The following TSPAN12 variants were observed in gnomAD, a reference collection of about 807,000 sequenced individuals.
TSPAN12 encodes the protein tetraspanin 12.
TSPAN12 carries 19 observed loss-of-function variants against 39.2 expected under a neutral mutation model. The ratio of observed to expected loss-of-function variants is 0.49; its 90% CI spans 0.34 to 0.71. TSPAN12 has a LOEUF of 0.71. TSPAN12 is among the 30% of genes least tolerant of loss of function. The pLI, the probability that TSPAN12 is intolerant of heterozygous loss-of-function variation, is 0.01. For missense variants in TSPAN12, 314 were observed against 359.9 expected, an observed-to-expected ratio of 0.87 and a Z score of 1.03; for synonymous variants, 119 against 124.8, an observed-to-expected ratio of 0.95 and a Z score of 0.31.
chr7:120,851,159 T>C (rs1419346316), intron 2 of TSPAN12, among the ~76,000 whole-genome samples: 1 of 152,220 alleles, frequency 6.6e-6, no homozygotes, highest in Non-Finnish European at 1.5e-5. Flanking sequence ...TTCATAAATG[T>C]CCTTCCTGTG....
intron 2 of TSPAN12, among the ~76,000 whole-genome samples, chr7:120,845,452 T>C (rs1041383507): frequency 3.3e-5 from 5 of 151,812 alleles, no homozygotes; most frequent in Admixed American, 2.6e-4. Flanking sequence ...TCCTTCTAAA[T>C]ATAAGTTCCA....
chr7:120,793,004 G>C (rs1481143308), intron 7 of TSPAN12, among the ~76,000 whole-genome samples: 1 of 152,204 alleles, frequency 6.6e-6, no homozygotes, highest in Non-Finnish European at 1.5e-5. Flanking sequence ...TCCCTTGTTG[G>C]AACCTGCCTT....
chr7:120,818,371 AAAGC>A (rs548671215), intron 4 of TSPAN12, among the ~76,000 whole-genome samples: 156 of 152,244 alleles, frequency 1.0e-3, no homozygotes, highest in African/African-American at 3.7e-3. Context: ...GACCTGTAGA[AAAGC>A]AAGGTGTGAT....
At chr7:120,852,187 A>AT (rs918182836) in intron 2 of TSPAN12, among the ~76,000 whole-genome samples, 9 of 151,590 alleles carry the variant, frequency 5.9e-5, no homozygotes, top group South Asian at 2.1e-4. Flanking sequence ...ATTAAGATTT[A>AT]TTTTTTTTTC....
In TSPAN12 at chr7:120,838,867, C is replaced by A. The variant is rs377299760; in HGVS notation, c.195G>T (p.Pro65=). 1.2e-6 allele frequency: 2 copies of A among 1,613,970 alleles called. No homozygotes were observed. Among genetic ancestry groups the A allele is most frequent in the East Asian group, 2.2e-5 (1 of 44,830 alleles). The change falls in exon 4 of 8, where the codon CCG becomes CCT. Residue 65 remains proline, a synonymous_variant. Transcript: ENST00000222747. The part of the protein sequence containing the change: ...VILTYFPVVH[P]VMIAVCCFLI... ...GGAAACAGCAAACAGCAATCATGAC[C>A]GGATGAACCACAGGAAAGTAAGTCA...
intron 4 of TSPAN12, among the ~76,000 whole-genome samples, chr7:120,832,232 T>C (rs1365162516): frequency 6.6e-6 from 1 of 152,110 alleles, no homozygotes; most frequent in Non-Finnish European, 1.5e-5. Flanking sequence ...GATAATGTAA[T>C]CACTAACAGG....
intron 4 of TSPAN12, among the ~76,000 whole-genome samples, chr7:120,832,891 A>G (rs1337425986): frequency 6.6e-6 from 1 of 152,154 alleles, no homozygotes; most frequent in Non-Finnish European, 1.5e-5. Context: ...TTTAGAAATT[A>G]AATGACTACC....
intron 4 of TSPAN12, among the ~76,000 whole-genome samples, chr7:120,830,142 T>C (rs938063060): frequency 6.6e-6 from 1 of 152,032 alleles, no homozygotes; most frequent in Non-Finnish European, 1.5e-5. Flanking sequence ...ATGAAAGAAA[T>C]TGAAGATGAC....
At chr7:120,855,979 GTAA>G (rs1195605710) in intron 2 of TSPAN12, among the ~76,000 whole-genome samples, 2 of 152,108 alleles carry the variant, frequency 1.3e-5, no homozygotes, top group African/African-American at 2.4e-5. Context: ...AGTTTTATAA[GTAA>G]TAATACGATT....
At chr7:120,810,667 T>G in intron 5 of TSPAN12, 97 bp from the exon 6 acceptor site, 1 of 765,214 alleles carries the variant, frequency 1.3e-6, no homozygotes, top group Non-Finnish European at 2.4e-6. Flanking sequence ...TACACACGCA[T>G]ACTCGGAATG....
At chr7:120,814,298 T>G in intron 5 of TSPAN12, 1 of 456,078 alleles carries the variant, frequency 2.2e-6, no homozygotes. Context: ...TTACTACACT[T>G]TAAAATGTTG....
At chr7:120,814,857 C>T (rs1423265675) in intron 5 of TSPAN12, among the ~76,000 whole-genome samples, 3 of 152,130 alleles carry the variant, frequency 2.0e-5, no homozygotes, top group African/African-American at 7.2e-5. Context: ...GTTTCTAGAT[C>T]GTGCCAAACA....
intron 2 of TSPAN12, among the ~76,000 whole-genome samples, chr7:120,847,347 A>T (rs1230992497): frequency 6.6e-6 from 1 of 152,212 alleles, no homozygotes; most frequent in Non-Finnish European, 1.5e-5. Flanking sequence ...TCAGTCTGAA[A>T]GATTAGACTA....
At chr7:120,815,055 C>G (rs907211827) in intron 5 of TSPAN12, among the ~76,000 whole-genome samples, 1 of 152,094 alleles carries the variant, frequency 6.6e-6, no homozygotes, top group African/African-American at 2.4e-5. Context: ...TTATTAACTT[C>G]AAAATTGGTA....
chr7:120,835,659 C>G, intron 4 of TSPAN12, among the ~76,000 whole-genome samples: 1 of 152,090 alleles, frequency 6.6e-6, no homozygotes, highest in Non-Finnish European at 1.5e-5. Flanking sequence ...AATTGATTAA[C>G]TCATGTACAA....
intron 4 of TSPAN12, among the ~76,000 whole-genome samples, chr7:120,817,770 C>A: frequency 6.6e-6 from 1 of 152,110 alleles, no homozygotes; most frequent in East Asian, 1.9e-4. Flanking sequence ...AACTTCTTTG[C>A]AATTATGAAT....
At chr7:120,847,657 G>T (rs1032797653) in intron 2 of TSPAN12, among the ~76,000 whole-genome samples, 3 of 152,138 alleles carry the variant, frequency 2.0e-5, no homozygotes, top group Non-Finnish European at 4.4e-5. Context: ...TTCTGGCAAG[G>T]CGTCGGGTGA....
At chr7:120,800,703 C>T (rs1462479824) in intron 7 of TSPAN12, among the ~76,000 whole-genome samples, 5 of 151,262 alleles carry the variant, frequency 3.3e-5, no homozygotes, top group African/African-American at 1.2e-4. Flanking sequence ...TGGCCTTATT[C>T]CTATCCCAAT....
intron 2 of TSPAN12, among the ~76,000 whole-genome samples, chr7:120,855,741 C>G (rs1008521523): frequency 6.6e-6 from 1 of 152,130 alleles, no homozygotes; most frequent in Non-Finnish European, 1.5e-5. Context: ...ACCTAAATGT[C>G]ATCTTCTAGA....
Sources: allele counts gnomAD v4.1 joint callset (sites outside exome capture counted in the v4.1 genomes callset), GRCh38; gene constraint gnomAD v4.1.1; transcripts MANE v1.5; gene names NCBI Gene and HGNC (gene_info 2026-07-23, HGNC 2026-07-21).